SRPK2: variants seen among roughly 807,000 people sequenced by gnomAD.
SRPK2 encodes SFRS protein kinase 2.
A neutral mutation model predicts 90.8 loss-of-function variants in SRPK2; 21 were observed. That is an observed-to-expected ratio of 0.23 (90% CI 0.16 to 0.33). The LOEUF is 0.33. Ranked by LOEUF, SRPK2 falls within the 10% of genes least tolerant of loss-of-function variation. The probability of loss-of-function intolerance (pLI) is 1.00; values close to 1 mark genes in which losing one functional copy is unlikely to be tolerated. For missense variants in SRPK2, 620 were observed against 869.0 expected, an observed-to-expected ratio of 0.71 and a Z score of 3.60; for synonymous variants, 288 against 311.1, an observed-to-expected ratio of 0.93 and a Z score of 0.78.
chr7:105,146,432 C>G, intron 8 of SRPK2, 61 bp downstream of exon 8: 2 of 1,563,622 alleles, frequency 1.3e-6, no homozygotes, highest in South Asian at 2.3e-5. Flanking sequence ...CCTTCAACAA[C>G]TGCAACTTTG....
chr7:105,217,395 T>C (rs1227060731), intron 2 of SRPK2, among the ~76,000 whole-genome samples: 2 of 152,238 alleles, frequency 1.3e-5, no homozygotes, highest in African/African-American at 4.8e-5. Flanking sequence ...GTGCTGAGAC[T>C]AGCACCCATG....
chr7:105,363,522 G>T (rs1818674513), intron 2 of SRPK2, among the ~76,000 whole-genome samples: 1 of 152,142 alleles, frequency 6.6e-6, no homozygotes, highest in African/African-American at 2.4e-5. Context: ...AAAAAGTCAG[G>T]AAACAACACG....
chr7:105,183,041 C>A (rs1422961422), intron 3 of SRPK2, among the ~76,000 whole-genome samples: 1 of 152,128 alleles, frequency 6.6e-6, no homozygotes, highest in Non-Finnish European at 1.5e-5. Context: ...CAAGCTATCA[C>A]GGGATCCACA....
chr7:105,283,074 G>C (rs1807556006), intron 2 of SRPK2, among the ~76,000 whole-genome samples: 1 of 152,112 alleles, frequency 6.6e-6, no homozygotes, highest in Non-Finnish European at 1.5e-5. Flanking sequence ...ACACAGAAAT[G>C]CAAATCAAAG....
chr7:105,217,436 C>CATTCACAG (rs1370000505), intron 2 of SRPK2, among the ~76,000 whole-genome samples: 1 of 152,214 alleles, frequency 6.6e-6, no homozygotes, highest in Non-Finnish European at 1.5e-5. Context: ...TTCTCTCTTG[C>CATTCACAG]ATTCACAGAA....
chr7:105,151,614 A>T (rs2129578967), intron 7 of SRPK2, among the ~76,000 whole-genome samples: 1 of 152,178 alleles, frequency 6.6e-6, no homozygotes, highest in South Asian at 2.1e-4. Context: ...AGGTGTAAGT[A>T]AAGCACACTG....
chr7:105,396,172 C>T (rs1254113863), intron 1 of SRPK2, among the ~76,000 whole-genome samples: 2 of 151,700 alleles, frequency 1.3e-5, no homozygotes, highest in Non-Finnish European at 2.9e-5. Flanking sequence ...GCCTCGACCT[C>T]TCAAAGTGCT....
At chr7:105,165,789 C>T (rs1230258697) in intron 6 of SRPK2, among the ~76,000 whole-genome samples, 1 of 152,206 alleles carries the variant, frequency 6.6e-6, no homozygotes, top group Non-Finnish European at 1.5e-5. Context: ...GGGTCCCCTT[C>T]CATGCTGTGG....
chr7:105,131,100 G>A (rs1584892842), intron 13 of SRPK2, among the ~76,000 whole-genome samples: 2 of 152,174 alleles, frequency 1.3e-5, no homozygotes, highest in African/African-American at 4.8e-5. Flanking sequence ...CACTACATCC[G>A]TGACTGCGTC....
Position 105,127,180 on chromosome 7 carries a change from T to C in SRPK2, c.1753-118A>G, listed in dbSNP as rs1020297087. 4.8e-6 allele frequency: 4 copies of C among 839,318 alleles called. No individual in the cohort carries two copies. In the African/African-American group the frequency reaches 6.8e-5, roughly 14 times the overall value. 52.0% of individuals were successfully genotyped at this position (839,318 alleles called of 1,614,324 possible). On this transcript the variant is annotated intron_variant, in intron 13 of 15. Coordinates refer to ENST00000393651, the MANE Select transcript of SRPK2 (RefSeq NM_182692.3). ...AAGATCTGAATCAAACAAAATAGCC[T>C]CCTGAAAGTGCTCAATACTAATTTT...
At chr7:105,245,701 T>A (rs559945888) in intron 2 of SRPK2, among the ~76,000 whole-genome samples, 1 of 152,026 alleles carries the variant, frequency 6.6e-6, no homozygotes, top group African/African-American at 2.4e-5. Flanking sequence ...GGCTTCTGCA[T>A]TTAGAAAACA....
At chr7:105,389,390 C>G (rs1235849970), upstream of SRPK2, 2 of 1,248,966 alleles carry the variant, frequency 1.6e-6, no homozygotes, top group South Asian at 2.6e-5. Flanking sequence ...TTCCTCCTCT[C>G]CGGCAGGCGT....
intron 3 of SRPK2, among the ~76,000 whole-genome samples, chr7:105,203,269 C>CTGA (rs1795785163): frequency 6.6e-6 from 1 of 152,158 alleles, no homozygotes; most frequent in African/African-American, 2.4e-5. Context: ...GGATTACAGG[C>CTGA]TTCAGCCACC....
rs907581457 is a variant in SRPK2, at chr7:105,358,290, T to C, written c.71+30358A>G. ...GACTCCCCAAAAACCAGAAGCCTTA[T>C]CAATAACATAAACAGTAGATAACAC... On this transcript the variant is annotated intron_variant, in intron 2 of 15. Coordinates refer to ENST00000393651, the MANE Select transcript of SRPK2 (RefSeq NM_182692.3). Among the ~76,000 whole-genome samples the C allele has an allele frequency of 6.0e-5, 9 of 149,828 alleles. No homozygotes were observed. The East Asian group carries it at 1.4e-3, about 23-fold the overall frequency.
chr7:105,305,910 G>A (rs969628074), intron 2 of SRPK2, among the ~76,000 whole-genome samples: 7 of 152,132 alleles, frequency 4.6e-5, no homozygotes, highest in Non-Finnish European at 1.0e-4. Flanking sequence ...ACAAATCATG[G>A]GAAGATAACT....
At position 105,353,664 on chromosome 7, in the gene SRPK2, T is replaced by A. The variant is rs1043937080; in HGVS notation, c.71+34984A>T. On this transcript the variant is annotated intron_variant, in intron 2 of 15. Transcript: ENST00000393651. ...TACAGACTGCCTTCAAGCAAATTCA[T>A]CAGGCCCATGTTCCTGAATGCCCCA... Among the ~76,000 whole-genome samples, 19 of 152,118 alleles carry A rather than the reference T, an allele frequency of 1.2e-4. 1 individual carries two copies. Among genetic ancestry groups the A allele is most frequent in the African/African-American group, 4.3e-4 (18 of 41,430 alleles).
intron 10 of SRPK2, 136 bp from the exon 11 acceptor site, chr7:105,142,626 G>T: frequency 1.7e-6 from 2 of 1,212,114 alleles, no homozygotes; most frequent in Non-Finnish European, 2.2e-6. Flanking sequence ...TGGCTTTTGG[G>T]GTAAAACCTT....
rs192095066 is a variant in SRPK2 at position 105,356,101 on chromosome 7, C to T, written c.71+32547G>A. Among the ~76,000 whole-genome samples the T allele has an allele frequency of 1.8e-4, 28 of 152,204 alleles. No homozygotes were observed. The East Asian group carries it at 5.0e-3, about 27-fold the overall frequency. ...CACCATCAGGATTGAGTTTCTAACT[C>T]TTGGCAAGGCTCAGTTCTCTGTTCA... On this transcript the variant is annotated intron_variant, in intron 2 of 15. Transcript: ENST00000393651.
chr7:105,348,068 C>CTTTTTTTTTTTTTTT (rs770159031), intron 2 of SRPK2, among the ~76,000 whole-genome samples: 4 of 80,996 alleles, frequency 4.9e-5, no homozygotes, highest in Non-Finnish European at 8.8e-5. Flanking sequence ...GCTTGGCAAA[C>CTTTTTTTTTTTTTTT]TTTTTTTTTT....
Sources: gnomAD v4.1 joint callset for allele counts (sites outside exome capture counted in the v4.1 genomes callset) on GRCh38, gnomAD v4.1.1 for gene constraint, MANE v1.5 for transcripts, NCBI Gene and HGNC (gene_info 2026-07-23, HGNC 2026-07-21) for gene names.